NALCN: variants seen among roughly 807,000 people sequenced by gnomAD.
The protein encoded by NALCN is sodium leak channel, non-selective, also known as sodium leak channel NALCN.
Under a neutral mutation model 225.3 loss-of-function variants are expected in NALCN, and 111 were observed. The ratio of observed to expected loss-of-function variants is 0.49; its 90% CI spans 0.42 to 0.58. The LOEUF (loss-of-function observed/expected upper bound fraction) is 0.58. NALCN is among the 20% of genes least tolerant of loss of function. The probability of loss-of-function intolerance (pLI) is 0.00; values close to 1 mark genes in which losing one functional copy is unlikely to be tolerated. For missense variants in NALCN, 1,378 were observed against 2,202.4 expected, an observed-to-expected ratio of 0.63 and a Z score of 7.49; for synonymous variants, 764 against 769.0, an observed-to-expected ratio of 0.99 and a Z score of 0.11.
At chr13:101,268,360 T>C (rs2042664575) in intron 10 of NALCN, among the ~76,000 whole-genome samples, 1 of 152,182 alleles carries the variant, frequency 6.6e-6, no homozygotes, top group South Asian at 2.1e-4. Context: ...TCAGGACTCC[T>C]GGACTTCAAC....
intron 18 of NALCN, chr13:101,116,798 T>TTAATG (rs2139670333): frequency 2.6e-6 from 1 of 379,622 alleles, no homozygotes; most frequent in East Asian, 7.2e-5. Context: ...CCAAGGTTGG[T>TTAATG]TAATGTAATG....
intron 14 of NALCN, among the ~76,000 whole-genome samples, chr13:101,182,228 A>G (rs1240125645): frequency 6.6e-6 from 1 of 152,058 alleles, no homozygotes; most frequent in African/African-American, 2.4e-5. Context: ...ATAAACAGAG[A>G]AAAGCCACCC....
intron 28 of NALCN, among the ~76,000 whole-genome samples, chr13:101,090,757 G>C (rs1446860331): frequency 6.6e-6 from 1 of 152,106 alleles, no homozygotes. Flanking sequence ...GTGCAGGCTT[G>C]TTACATGGGT....
intron 17 of NALCN, among the ~76,000 whole-genome samples, chr13:101,130,248 C>T (rs1421783430): frequency 6.6e-6 from 1 of 152,132 alleles, no homozygotes; most frequent in African/African-American, 2.4e-5. Context: ...TTTCACATTT[C>T]ATAGACAATA....
chr13:101,264,423 A>G (rs2042531210), intron 10 of NALCN, among the ~76,000 whole-genome samples: 1 of 152,062 alleles, frequency 6.6e-6, no homozygotes, highest in Non-Finnish European at 1.5e-5. Context: ...TTCAAAATAC[A>G]AAGAGTCTAT....
intron 6 of NALCN, among the ~76,000 whole-genome samples, chr13:101,346,087 C>CTCTATATATATATATATATATA: frequency 2.7e-4 from 19 of 70,932 alleles, no homozygotes; most frequent in Non-Finnish European, 3.7e-4. Flanking sequence ...CTCTCTCTCT[C>CTCTATATATATATATATATATA]TATATATATA....
intron 6 of NALCN, among the ~76,000 whole-genome samples, chr13:101,354,936 T>C (rs1235098759): frequency 1.3e-5 from 2 of 152,256 alleles, no homozygotes; most frequent in East Asian, 3.9e-4. Flanking sequence ...TGGGGCCTGG[T>C]GGGAGGTGAT....
intron 14 of NALCN, among the ~76,000 whole-genome samples, chr13:101,190,329 T>C (rs1230614291): frequency 6.6e-6 from 1 of 152,228 alleles, no homozygotes; most frequent in East Asian, 1.9e-4. Context: ...TCCATAGTTT[T>C]AGAGTAACTT....
rs16958350 is a variant in NALCN, at chr13:101,104,660, A to C, written c.2637-10T>G. 40,269 of 1,613,486 alleles carry C rather than the reference A, an allele frequency of 0.025. 680 individuals carry two copies. Among genetic ancestry groups the C allele is most frequent in the East Asian group, 0.081 (3,636 of 44,796 alleles). The stretch of plus-strand genomic sequence containing the variant: ...CAATCCCAGCAAATCACTGCCAAAG[A>C]CCAAACAAAATTGAGAAACATAAAG... On this transcript the variant is annotated splice_polypyrimidine_tract_variant and intron_variant, in intron 23 of 43. Transcript: ENST00000251127. This position sits in a 1 kb window ranked among gnomAD's most constrained non-coding sequence, Gnocchi z 4.2.
chr13:101,400,371 G>A (rs1566654553), intron 1 of NALCN, among the ~76,000 whole-genome samples: 1 of 152,080 alleles, frequency 6.6e-6, no homozygotes, highest in Non-Finnish European at 1.5e-5. Flanking sequence ...AGAAAAAAAA[G>A]AGCGCTTCAG....
intron 17 of NALCN, among the ~76,000 whole-genome samples, chr13:101,133,277 T>C (rs1221416298): frequency 6.6e-6 from 1 of 152,216 alleles, no homozygotes; most frequent in Non-Finnish European, 1.5e-5. Context: ...ATAGCTTTTT[T>C]GATTTACAAT....
chr13:101,103,564 G>A (rs918944013), intron 25 of NALCN, among the ~76,000 whole-genome samples: 4 of 20,368 alleles, frequency 2.0e-4, no homozygotes, highest in African/African-American at 1.4e-3. Flanking sequence ...TCCACACCGT[G>A]TGTGTGTGTG....
chr13:101,376,043 T>C (rs2046680994), intron 6 of NALCN, among the ~76,000 whole-genome samples: 1 of 152,148 alleles, frequency 6.6e-6, no homozygotes, highest in Non-Finnish European at 1.5e-5. Context: ...CCACCAACCC[T>C]ACAACAGTCA....
intron 13 of NALCN, among the ~76,000 whole-genome samples, chr13:101,208,401 C>T (rs980982643): frequency 2.2e-4 from 34 of 152,326 alleles, no homozygotes; most frequent in Non-Finnish European, 4.4e-4. Context: ...TAACACTCAC[C>T]GCAAGGGTCT....
intron 43 of NALCN, chr13:101,057,008 AC>A (rs2031347089): frequency 1.3e-5 from 2 of 152,304 alleles, no homozygotes; most frequent in Admixed American, 1.3e-4. Context: ...GAAAGGGGAT[AC>A]TTTCCTTGGT....
intron 22 of NALCN, among the ~76,000 whole-genome samples, chr13:101,107,218 T>C (rs1197789012): frequency 1.3e-5 from 2 of 152,240 alleles, no homozygotes; most frequent in African/African-American, 4.8e-5. Flanking sequence ...ATAATGCCGA[T>C]ATAAGTGTAT....
At chr13:101,095,160 G>T (rs1283112860) in intron 28 of NALCN, among the ~76,000 whole-genome samples, 1 of 152,142 alleles carries the variant, frequency 6.6e-6, no homozygotes, top group Non-Finnish European at 1.5e-5. Flanking sequence ...GTGTAAATGG[G>T]TTTTAAAATG....
intron 14 of NALCN, among the ~76,000 whole-genome samples, chr13:101,184,408 C>T (rs2039366584): frequency 6.6e-6 from 1 of 152,214 alleles, no homozygotes; most frequent in Admixed American, 6.5e-5. Context: ...TGACGCTCCT[C>T]TTTCTCTAAT....
intron 10 of NALCN, among the ~76,000 whole-genome samples, chr13:101,267,092 G>A (rs556849639): frequency 6.2e-4 from 94 of 152,258 alleles, no homozygotes; most frequent in Non-Finnish European, 1.0e-3. Flanking sequence ...CAGCTGCCAC[G>A]CCCTATCAGT....
Sources: gnomAD v4.1 joint callset for allele counts (sites outside exome capture counted in the v4.1 genomes callset) on GRCh38, gnomAD v4.1.1 for gene constraint, Gnocchi (gnomAD v3.1) non-coding constraint, MANE v1.5 for transcripts, NCBI Gene and HGNC (gene_info 2026-07-23, HGNC 2026-07-21) for gene names.